Variants in MAN1C1 observed in about 807,000 individuals in gnomAD.
MAN1C1 encodes the protein mannosidase alpha class 1C member 1.
In MAN1C1, 49 loss-of-function variants were observed where a neutral mutation model predicts 71.5. That is an observed-to-expected ratio of 0.69 (90% CI 0.54 to 0.87). MAN1C1 has a LOEUF of 0.87. MAN1C1 is among the 40% of genes least tolerant of loss of function. The probability of loss-of-function intolerance (pLI) is 0.00; values close to 1 mark genes in which losing one functional copy is unlikely to be tolerated. For missense variants in MAN1C1, 743 were observed against 835.0 expected (o/e 0.89, Z 1.36); for synonymous variants, 352 against 343.7 (o/e 1.02, Z -0.27).
intron 1 of MAN1C1, among the ~76,000 whole-genome samples, chr1:25,629,465 T>C (rs2045347968): frequency 6.6e-6 from 1 of 152,170 alleles, no homozygotes; most frequent in Non-Finnish European, 1.5e-5. Flanking sequence ...AGACAGGGTC[T>C]CCCTCCGTCA....
At chr1:25,618,387 G>A in intron 1 of MAN1C1, 50 bp downstream of exon 1, 3 of 1,535,206 alleles carry the variant, frequency 2.0e-6, no homozygotes, top group Non-Finnish European at 2.6e-6. Context: ...CCTCTAAGGA[G>A]AGAAGACCCT....
At chr1:25,693,607 G>C (rs1044356122) in intron 2 of MAN1C1, among the ~76,000 whole-genome samples, 2 of 152,156 alleles carry the variant, frequency 1.3e-5, no homozygotes, top group Non-Finnish European at 2.9e-5. Flanking sequence ...CTCCAGCTTG[G>C]GCGACAGAAT....
At chr1:25,696,612 C>T (rs1224515314) in intron 2 of MAN1C1, among the ~76,000 whole-genome samples, 1 of 152,084 alleles carries the variant, frequency 6.6e-6, no homozygotes, top group Non-Finnish European at 1.5e-5. Context: ...TGTAGCTCCC[C>T]AAGGGTAGCT....
At chr1:25,690,255 C>T (rs962805012) in intron 2 of MAN1C1, among the ~76,000 whole-genome samples, 5 of 151,640 alleles carry the variant, frequency 3.3e-5, no homozygotes, top group African/African-American at 1.2e-4. Context: ...CCGTTCCTCG[C>T]CTTGTGGCTC....
At chr1:25,630,003 T>G (rs1317984495) in intron 1 of MAN1C1, among the ~76,000 whole-genome samples, 1 of 152,094 alleles carries the variant, frequency 6.6e-6, no homozygotes, top group Non-Finnish European at 1.5e-5. Flanking sequence ...GATGTTATCT[T>G]TAGAATTCTT....
Position 25,711,847 on chromosome 1 carries a change from C to G in MAN1C1, c.637+25311C>G, listed in dbSNP as rs1038917793. On this transcript the variant is annotated intron_variant, in intron 2 of 11. Transcript: ENST00000374332. This position sits in a 1 kb window ranked among gnomAD's most constrained non-coding sequence, Gnocchi z 4.3. ...ATTTTACTAAAAGATTCCTTTCATT[C>G]AGATCATGAGACAGAATTGGGAAAT... Among the ~76,000 whole-genome samples, 2 of 152,240 alleles carry G rather than the reference C, an allele frequency of 1.3e-5. No individual in the cohort carries two copies. Among genetic ancestry groups the G allele is most frequent in the Non-Finnish European group, 2.9e-5 (2 of 68,042 alleles).
chr1:25,772,307 G>C (rs187718690), intron 8 of MAN1C1: 2 of 156,494 alleles, frequency 1.3e-5, no homozygotes, highest in Admixed American at 1.3e-4. Flanking sequence ...AGAGGGGAAG[G>C]CACTTGCCCA....
intron 2 of MAN1C1, among the ~76,000 whole-genome samples, chr1:25,715,801 A>G (rs1342573398): frequency 2.0e-5 from 3 of 152,222 alleles, no homozygotes; most frequent in Non-Finnish European, 4.4e-5. Context: ...TGTTCATTTT[A>G]TCTGGTAGGA....
At chr1:25,729,970 A>T (rs2046887820) in intron 2 of MAN1C1, among the ~76,000 whole-genome samples, 1 of 152,176 alleles carries the variant, frequency 6.6e-6, no homozygotes, top group Admixed American at 6.5e-5. Flanking sequence ...AGCACCTGTC[A>T]CAAGGCTTCA....
chr1:25,689,500 G>T (rs756041075), intron 2 of MAN1C1, among the ~76,000 whole-genome samples: 5 of 152,126 alleles, frequency 3.3e-5, no homozygotes, highest in Non-Finnish European at 7.3e-5. Flanking sequence ...CACCACAAAT[G>T]GGTCATAGGA....
rs1221713430 is a variant in MAN1C1, at chr1:25,775,285, CCTGCAGCCCGG to C, written c.1258-2815_1258-2805del. 6.6e-6 allele frequency among the ~76,000 whole-genome samples: 1 copy of C among 152,262 alleles called. No homozygotes were observed. The highest frequency in any genetic ancestry group is 2.4e-5 in the African/African-American group (1 of 41,470). On this transcript the variant is annotated intron_variant, in intron 8 of 11. Coordinates refer to ENST00000374332, the MANE Select transcript of MAN1C1 (RefSeq NM_020379.4). The surrounding 1 kb of genome is among the most constrained non-coding windows in gnomAD (Gnocchi z 5.1). Reference sequence around the variant, plus strand: ...AGGCCGGGCCCAGAGCAGACCCCTGCCTGCAGCCCGGCTGCTCTGCAGGTGTCCTCAGCACT... The same window carrying C: ...AGGCCGGGCCCAGAGCAGACCCCTGCCTGCTCTGCAGGTGTCCTCAGCACT...
chr1:25,674,804 T>G (rs1236962535), intron 1 of MAN1C1, among the ~76,000 whole-genome samples: 1 of 152,124 alleles, frequency 6.6e-6, no homozygotes, highest in African/African-American at 2.4e-5. Context: ...AGGAGTTTAT[T>G]TAAGTGTGTG....
intron 2 of MAN1C1, among the ~76,000 whole-genome samples, chr1:25,713,609 C>T (rs1038476783): frequency 1.3e-5 from 2 of 152,136 alleles, no homozygotes; most frequent in African/African-American, 4.8e-5. Context: ...CTGTCTAACC[C>T]GAGACATGGA....
chr1:25,694,697 C>CT (rs991788032), intron 2 of MAN1C1, among the ~76,000 whole-genome samples: 3 of 152,198 alleles, frequency 2.0e-5, no homozygotes, highest in African/African-American at 7.2e-5. Context: ...CTTGGTGGGT[C>CT]TTTTTGTCGG....
At chr1:25,681,732 C>T (rs1464954969) in intron 1 of MAN1C1, among the ~76,000 whole-genome samples, 3 of 152,136 alleles carry the variant, frequency 2.0e-5, no homozygotes, top group South Asian at 4.1e-4. Flanking sequence ...CCAAAGTGGC[C>T]GCACCGTTTT....
At chr1:25,765,321 C>G (rs2047413569) in intron 7 of MAN1C1, among the ~76,000 whole-genome samples, 1 of 152,142 alleles carries the variant, frequency 6.6e-6, no homozygotes, top group Non-Finnish European at 1.5e-5. Context: ...AGAGGCAGGC[C>G]CTGGTCACAT....
At chr1:25,758,005 C>T (rs2047311743) in intron 5 of MAN1C1, among the ~76,000 whole-genome samples, 2 of 152,234 alleles carry the variant, frequency 1.3e-5, no homozygotes, top group Non-Finnish European at 1.5e-5. Flanking sequence ...TGTGGTCACA[C>T]CAGAGCTCCC....
intron 2 of MAN1C1, among the ~76,000 whole-genome samples, chr1:25,740,529 C>A (rs972162099): frequency 2.6e-5 from 4 of 152,090 alleles, no homozygotes; most frequent in African/African-American, 9.7e-5. Context: ...CTCCGCCTCC[C>A]GAGTTCATGC....
In MAN1C1 at chr1:25,618,264, T is replaced by C; in HGVS notation, c.467T>C (p.Val156Ala). Reference protein sequence around the residue: ...NAFRSRLRHPVLGTRADESQE... With the variant: ...NAFRSRLRHPALGTRADESQE... ...TTCCGGAGCCGTCTCCGCCACCCGG[T>C]CCTGGGAACGAGGGCCGATGAGAGT... Residue 156 changes from valine to alanine, a missense_variant, in exon 1 of 12, where the codon GTC becomes GCC. Transcript: ENST00000374332. 5 of 1,604,018 alleles carry C rather than the reference T, an allele frequency of 3.1e-6. No homozygotes were observed. The highest frequency in any genetic ancestry group is 3.4e-6 in the Non-Finnish European group (4 of 1,177,092).
Sources: gnomAD v4.1 joint callset for allele counts (sites outside exome capture counted in the v4.1 genomes callset) on GRCh38, gnomAD v4.1.1 for gene constraint, Gnocchi (gnomAD v3.1) non-coding constraint, MANE v1.5 for transcripts, NCBI Gene and HGNC (gene_info 2026-07-23, HGNC 2026-07-21) for gene names.